Variants in SLC25A53 observed in about 807,000 individuals in gnomAD.
SLC25A53 encodes solute carrier family 25 member 53.
Under a neutral mutation model 15.0 loss-of-function variants are expected in SLC25A53, and 5 were observed. The observed-to-expected ratio is 0.33, with a 90% CI of 0.17 to 0.70. The LOEUF (loss-of-function observed/expected upper bound fraction) is 0.70, where lower values mean the gene tolerates loss of function less well. SLC25A53 is among the 30% of genes least tolerant of loss of function. The pLI is 0.67. For missense variants in SLC25A53, 216 were observed against 241.6 expected (o/e 0.89, Z 0.70); for synonymous variants, 95 against 100.0 (o/e 0.95, Z 0.30).
At chrX:104,156,671 A>G (rs2075502344) in intron 1 of SLC25A53, among the ~76,000 whole-genome samples, 1 of 109,160 alleles carries the variant, frequency 9.2e-6, no homozygotes, top group Admixed American at 9.8e-5. Context: ...CACACATCTC[A>G]GTGTCAACAC....
intron 1 of SLC25A53, among the ~76,000 whole-genome samples, chrX:104,137,563 G>A (rs782473235): frequency 1.8e-5 from 2 of 111,381 alleles, no homozygotes; most frequent in South Asian, 3.8e-4. Context: ...GCCATTTGCC[G>A]ACTAGGGGTC....
At chrX:104,155,644 C>T (rs1344882897) in intron 1 of SLC25A53, among the ~76,000 whole-genome samples, 2 of 111,510 alleles carry the variant, frequency 1.8e-5, no homozygotes, top group African/African-American at 6.5e-5. Flanking sequence ...GCACCTCCAT[C>T]GTAGTCCTAC....
chrX:104,144,806 A>C (rs1191404570), intron 1 of SLC25A53, among the ~76,000 whole-genome samples: 1 of 111,666 alleles, frequency 9.0e-6, no homozygotes, highest in African/African-American at 3.3e-5. Context: ...GAGCACCTAG[A>C]TTCATAAAGC....
intron 1 of SLC25A53, among the ~76,000 whole-genome samples, chrX:104,143,282 G>A (rs995525518): frequency 4.5e-5 from 5 of 111,664 alleles, no homozygotes; most frequent in Middle Eastern, 9.3e-3. Flanking sequence ...GGCTTCAGAA[G>A]GTGGGTAATA....
At chrX:104,114,078 CTTG>C (rs1556360182) in intron 1 of SLC25A53, 2 of 1,211,123 alleles carry the variant, frequency 1.7e-6, no homozygotes, top group South Asian at 1.8e-5. Flanking sequence ...GCGCGAGCAT[CTTG>C]TTGTATTCAG....
chrX:104,114,023 G>A lies in SLC25A53; in HGVS notation c.-31-8735C>T. The A allele has an allele frequency of 6.7e-6, 8 of 1,185,194 alleles. No homozygotes were observed. In the South Asian group the frequency reaches 1.1e-4, roughly 17 times the overall value. On this transcript the variant is annotated intron_variant, in intron 1 of 1. Coordinates refer to ENST00000594199, the MANE Select transcript of SLC25A53 (RefSeq NM_001012755.5). ...TGAAATATAAGGCAGGCACAGCCCAGGAACGTTGCTTTGGAGAATCCTGCA... is the reference window on the plus strand; with the variant it reads ...TGAAATATAAGGCAGGCACAGCCCAAGAACGTTGCTTTGGAGAATCCTGCA...
chrX:104,114,595 G>T lies in SLC25A53; in HGVS notation c.-31-9307C>A, dbSNP rs183809763. On this transcript the variant is annotated intron_variant, in intron 1 of 1. Coordinates refer to ENST00000594199, the MANE Select transcript of SLC25A53 (RefSeq NM_001012755.5). Reference sequence around the variant, plus strand: ...GGTGCAGCTCCAGAATGCTATTCAGGCAGGCATCCTAGCTGAGAAAGATGC... The same window carrying T: ...GGTGCAGCTCCAGAATGCTATTCAGTCAGGCATCCTAGCTGAGAAAGATGC... 616 of 1,210,223 alleles carry T rather than the reference G, an allele frequency of 5.1e-4. 4 individuals carry two copies. Among genetic ancestry groups the T allele is most frequent in the Non-Finnish European group, 5.5e-5 (49 of 895,307 alleles).
chrX:104,152,682 C>A (rs1556370585), intron 1 of SLC25A53, among the ~76,000 whole-genome samples: 1 of 111,564 alleles, frequency 9.0e-6, no homozygotes, highest in African/African-American at 3.3e-5. Context: ...AGGTGATCCA[C>A]CTGCCTCGGC....
At chrX:104,134,006 T>A (rs1569463459) in intron 1 of SLC25A53, among the ~76,000 whole-genome samples, 1 of 111,445 alleles carries the variant, frequency 9.0e-6, no homozygotes, top group East Asian at 2.8e-4. Flanking sequence ...CCTCAACCAA[T>A]CGAATCAACT....
intron 1 of SLC25A53, among the ~76,000 whole-genome samples, chrX:104,124,839 CTTTT>C (rs34662574): frequency 1.6e-5 from 1 of 62,271 alleles, no homozygotes; most frequent in Non-Finnish European, 3.0e-5. Flanking sequence ...AACTTTTTTC[CTTTT>C]TTTTTTTTTT....
chrX:104,141,206 T>TAAA (rs1414485616), intron 1 of SLC25A53, among the ~76,000 whole-genome samples: 1 of 111,812 alleles, frequency 8.9e-6, no homozygotes, highest in Non-Finnish European at 1.9e-5. Context: ...TGTGGCCTTT[T>TAAA]AACTTGCCCT....
intron 1 of SLC25A53, among the ~76,000 whole-genome samples, chrX:104,105,923 A>T (rs373129568): frequency 1.1e-4 from 12 of 112,067 alleles, no homozygotes; most frequent in African/African-American, 3.2e-4. Flanking sequence ...TTCTAAGCCT[A>T]ACCTTTAAGA....
At chrX:104,146,750 G>A (rs782151342) in intron 1 of SLC25A53, among the ~76,000 whole-genome samples, 1,605 of 110,071 alleles carry the variant, frequency 0.015, 17 homozygotes, top group African/African-American at 0.049. Context: ...TACAAGGGAC[G>A]TGAAGGACCT....
intron 1 of SLC25A53, among the ~76,000 whole-genome samples, chrX:104,120,501 G>A (rs2147871380): frequency 8.9e-6 from 1 of 112,167 alleles, no homozygotes; most frequent in South Asian, 3.7e-4. Flanking sequence ...CTAAGGGCTT[G>A]TTGATGGTAT....
At chrX:104,127,422 T>G (rs1357479553) in intron 1 of SLC25A53, among the ~76,000 whole-genome samples, 1 of 111,705 alleles carries the variant, frequency 9.0e-6, no homozygotes, top group Non-Finnish European at 1.9e-5. Context: ...CTGTGGTGGT[T>G]GTTAAACAAA....
chrX:104,112,103 G>A (rs1301196959), intron 1 of SLC25A53: 1 of 112,037 alleles, frequency 8.9e-6, no homozygotes, highest in African/African-American at 3.2e-5. Flanking sequence ...CTGAGAAGAG[G>A]AAAGGAGATG....
chrX:104,127,785 G>A (rs1434107963), intron 1 of SLC25A53, among the ~76,000 whole-genome samples: 1 of 111,385 alleles, frequency 9.0e-6, no homozygotes, highest in East Asian at 2.8e-4. Context: ...CCAATATGGT[G>A]AAACCGAGTC....
chrX:104,126,193 T>C (rs2075410303), intron 1 of SLC25A53, among the ~76,000 whole-genome samples: 1 of 110,847 alleles, frequency 9.0e-6, no homozygotes, highest in Admixed American at 9.6e-5. Context: ...CCTGCAGTCT[T>C]AGCTACTTGG....
intron 1 of SLC25A53, among the ~76,000 whole-genome samples, chrX:104,139,872 T>C (rs1309282335): frequency 2.7e-5 from 3 of 112,905 alleles, no homozygotes; most frequent in Non-Finnish European, 5.6e-5. Context: ...TAAAATAAAA[T>C]GTGGCTTTTA....
Sources: gnomAD v4.1 joint callset for allele counts (sites outside exome capture counted in the v4.1 genomes callset) on GRCh38, gnomAD v4.1.1 for gene constraint, MANE v1.5 for transcripts, NCBI Gene and HGNC (gene_info 2026-07-23, HGNC 2026-07-21) for gene names.